PREX1: variants seen among roughly 807,000 people sequenced by gnomAD.
PREX1 encodes phosphatidylinositol-3,4,5-trisphosphate dependent Rac exchange factor 1.
Under a neutral mutation model 198.3 loss-of-function variants are expected in PREX1, and 41 were observed. The observed-to-expected ratio is 0.21, with a 90% CI of 0.16 to 0.27. PREX1 has a LOEUF of 0.27. Among genes scored for constraint, PREX1 ranks in the 10% least tolerant of loss-of-function variants. The pLI, the probability that PREX1 is intolerant of heterozygous loss-of-function variation, is 1.00. For missense variants in PREX1, 1,620 were observed against 2,200.7 expected, an observed-to-expected ratio of 0.74 and a Z score of 5.28; for synonymous variants, 843 against 887.2, an observed-to-expected ratio of 0.95 and a Z score of 0.89.
chr20:48,790,381 G>A (rs1325407758), intron 1 of PREX1, among the ~76,000 whole-genome samples: 1 of 151,998 alleles, frequency 6.6e-6, no homozygotes, highest in African/African-American at 2.4e-5. Context: ...AAGTAGGAAC[G>A]GAAGAGAGGA....
At chr20:48,807,424 C>G (rs2090416667) in intron 1 of PREX1, among the ~76,000 whole-genome samples, 1 of 152,186 alleles carries the variant, frequency 6.6e-6, no homozygotes. Flanking sequence ...TCATTCTTTC[C>G]AACAGCTGTC....
rs2090512468 is a variant in PREX1, at chr20:48,827,153, T to TC, written c.219+488dup. 6.6e-6 allele frequency among the ~76,000 whole-genome samples: 1 copy of TC among 152,090 alleles called. No homozygotes were observed. The highest frequency in any genetic ancestry group is 2.4e-5 in the African/African-American group (1 of 41,404). ...GGATTCTACCCTGGGGTTCTGTCAATCCCCGCCCCTCCTCTGAGCTTCAGG... is the reference window on the plus strand; with the variant it reads ...GGATTCTACCCTGGGGTTCTGTCAATCCCCCGCCCCTCCTCTGAGCTTCAGG... On this transcript the variant is annotated intron_variant, in intron 1 of 39. Transcript: ENST00000371941. This position sits in a 1 kb window ranked among gnomAD's most constrained non-coding sequence, Gnocchi z 4.1.
At chr20:48,787,726 G>C (rs1326645855) in intron 1 of PREX1, among the ~76,000 whole-genome samples, 1 of 151,946 alleles carries the variant, frequency 6.6e-6, no homozygotes, top group African/African-American at 2.4e-5. Flanking sequence ...CCCTAAAGAA[G>C]TCTGGTTGCA....
Position 48,783,596 on chromosome 20 carries a change from C to T in PREX1, c.220-35716G>A, listed in dbSNP as rs186685411. Among the ~76,000 whole-genome samples the T allele has an allele frequency of 2.0e-3, 308 of 152,212 alleles. 3 individuals carry two copies. The highest frequency in any genetic ancestry group is 7.0e-3 in the African/African-American group (291 of 41,514). On this transcript the variant is annotated intron_variant, in intron 1 of 39. Coordinates refer to ENST00000371941, the MANE Select transcript of PREX1 (RefSeq NM_020820.4). ...GGCTGGCACCCCCAAACCATCGGAA[C>T]CCAGGAGGCAGAGGAGAAATAACAA...
rs200336495 is a variant in PREX1 at position 48,641,799 on chromosome 20, C to CAAGA, written c.3775+365_3775+368dup. Among the ~76,000 whole-genome samples the CAAGA allele has an allele frequency of 2.3e-3, 268 of 116,756 alleles. 6 individuals are homozygous for CAAGA. The highest frequency in any genetic ancestry group is 2.8e-3 in the African/African-American group (82 of 29,110). 76.6% of individuals were successfully genotyped at this position (116,756 alleles called of 152,430 possible). ...AGAGTGAGACCCTTTCTCCAAAAAA[C>CAAGA]AAGAAAGAAAGAAAGAAAGAAAGAA... is the stretch of plus-strand genomic sequence containing the variant. On this transcript the variant is annotated intron_variant, in intron 29 of 39. Transcript: ENST00000371941.
At chr20:48,707,564 G>T (rs1224317706) in intron 6 of PREX1, among the ~76,000 whole-genome samples, 1 of 152,186 alleles carries the variant, frequency 6.6e-6, no homozygotes, top group African/African-American at 2.4e-5. Context: ...AACAATCTCT[G>T]CCCAAGAGAC....
chr20:48,707,918 G>A (rs1028813464), intron 6 of PREX1, among the ~76,000 whole-genome samples: 2 of 152,052 alleles, frequency 1.3e-5, no homozygotes, highest in African/African-American at 4.8e-5. Flanking sequence ...GACCCTTGAC[G>A]TTGGCATCAA....
intron 1 of PREX1, among the ~76,000 whole-genome samples, chr20:48,761,663 C>T (rs183034971): frequency 1.1e-4 from 17 of 152,280 alleles, no homozygotes; most frequent in African/African-American, 3.4e-4. Context: ...CTTTTCTTCA[C>T]GCAGCCCCCA....
chr20:48,881,279 C>T, the PREX1 span, among the ~76,000 whole-genome samples: 2 of 151,918 alleles, frequency 1.3e-5, no homozygotes, highest in African/African-American at 4.8e-5. Flanking sequence ...AACATTTTTC[C>T]ATAATAAAAA....
chr20:48,874,818 A>G, the PREX1 span, among the ~76,000 whole-genome samples: 1 of 151,038 alleles, frequency 6.6e-6, no homozygotes, highest in Non-Finnish European at 1.5e-5. Flanking sequence ...TGGAGGTTGT[A>G]GTGAGCCGAG....
intron 1 of PREX1, among the ~76,000 whole-genome samples, chr20:48,780,805 C>T (rs1309252570): frequency 1.3e-5 from 2 of 152,168 alleles, no homozygotes; most frequent in African/African-American, 4.8e-5. Context: ...CAGGGTATTT[C>T]CACAGTCTCA....
upstream of PREX1, among the ~76,000 whole-genome samples, chr20:48,828,937 C>T (rs6019444): frequency 6.6e-6 from 1 of 152,162 alleles, no homozygotes; most frequent in Non-Finnish European, 1.5e-5. Context: ...GTTCTGGGGC[C>T]TAGAGTCAGC....
intron 1 of PREX1, among the ~76,000 whole-genome samples, chr20:48,759,859 C>T (rs186019790): frequency 1.2e-4 from 19 of 152,228 alleles, no homozygotes; most frequent in African/African-American, 4.3e-4. Context: ...AATCCTAACA[C>T]TGTGGGAGGC....
chr20:48,797,326 G>T (rs1568867717), intron 1 of PREX1, among the ~76,000 whole-genome samples: 1 of 151,636 alleles, frequency 6.6e-6, no homozygotes, highest in African/African-American at 2.4e-5. Context: ...GCCAAATGAC[G>T]GCCCCCTGCT....
chr20:48,804,468 C>T (rs1479846455), intron 1 of PREX1, among the ~76,000 whole-genome samples: 2 of 152,292 alleles, frequency 1.3e-5, no homozygotes, highest in South Asian at 2.1e-4. Flanking sequence ...AGAATGTTCC[C>T]GACCAACAGG....
Position 48,765,904 on chromosome 20 carries a change from C to T in PREX1, c.220-18024G>A, listed in dbSNP as rs528841019. Among the ~76,000 whole-genome samples, 18 of 152,128 alleles carry T rather than the reference C, an allele frequency of 1.2e-4. No individual in the cohort carries two copies. In the South Asian group the frequency reaches 3.3e-3, roughly 28 times the overall value. ...TGTATTTAGAGCCATCCCCATTGCC[C>T]GCATGACCACCTGAGCTCCGCCTCC... is the stretch of plus-strand genomic sequence containing the variant. On this transcript the variant is annotated intron_variant, in intron 1 of 39. Transcript: ENST00000371941.
At chr20:48,688,577 G>T in intron 10 of PREX1, 80 bp downstream of exon 10, 2 of 1,575,458 alleles carry the variant, frequency 1.3e-6, no homozygotes, top group South Asian at 1.1e-5. Context: ...GGGCCAGGCT[G>T]CATGGGTGGA....
the PREX1 span, among the ~76,000 whole-genome samples, chr20:48,868,375 T>C: frequency 7.2e-5 from 11 of 152,060 alleles, no homozygotes; most frequent in Admixed American, 6.6e-4. Flanking sequence ...TGGAGTGCAA[T>C]GGCATGATCT....
At chr20:48,754,932 A>G (rs1428544312) in intron 1 of PREX1, among the ~76,000 whole-genome samples, 3 of 152,130 alleles carry the variant, frequency 2.0e-5, no homozygotes, top group Non-Finnish European at 4.4e-5. Flanking sequence ...GAGCTCCCCA[A>G]TTGCCCAATG....
Sources: allele counts gnomAD v4.1 joint callset (sites outside exome capture counted in the v4.1 genomes callset), GRCh38; gene constraint gnomAD v4.1.1; non-coding constraint Gnocchi (gnomAD v3.1); transcripts MANE v1.5; gene names NCBI Gene and HGNC (gene_info 2026-07-23, HGNC 2026-07-21).